Variants in RORA observed in about 807,000 individuals in gnomAD.
The protein encoded by RORA is nuclear receptor ROR-alpha.
A neutral mutation model predicts 69.5 loss-of-function variants in RORA; 7 were observed. The ratio of observed to expected loss-of-function variants is 0.10; its 90% CI spans 0.06 to 0.19. The LOEUF (loss-of-function observed/expected upper bound fraction) is 0.19, where lower values mean the gene tolerates loss of function less well. Ranked by LOEUF, RORA falls within the 10% of genes least tolerant of loss-of-function variation. The pLI, the probability that RORA is intolerant of heterozygous loss-of-function variation, is 1.00. For missense variants in RORA, 457 were observed against 663.0 expected, an observed-to-expected ratio of 0.69 and a Z score of 3.41; for synonymous variants, 261 against 240.8, an observed-to-expected ratio of 1.08 and a Z score of -0.78.
intron 1 of RORA, among the ~76,000 whole-genome samples, chr15:60,727,651 G>A (rs189427306): frequency 6.6e-6 from 1 of 152,044 alleles, no homozygotes; most frequent in African/African-American, 2.4e-5. Flanking sequence ...AAGGGAGAAG[G>A]TCCTGGAACA....
At chr15:60,817,207 C>T (rs1011251773) in intron 1 of RORA, among the ~76,000 whole-genome samples, 4 of 152,122 alleles carry the variant, frequency 2.6e-5, no homozygotes, top group African/African-American at 9.7e-5. Context: ...GGTCTCTAGA[C>T]CACGGCAATA....
At chr15:60,970,520 C>T (rs969652947) in intron 1 of RORA, among the ~76,000 whole-genome samples, 3 of 152,208 alleles carry the variant, frequency 2.0e-5, no homozygotes, top group Non-Finnish European at 2.9e-5. Flanking sequence ...AGATGCTCCC[C>T]ACTGCTGGCC....
At chr15:60,790,016 T>C (rs1249020393) in intron 1 of RORA, among the ~76,000 whole-genome samples, 1 of 152,218 alleles carries the variant, frequency 6.6e-6, no homozygotes, top group Non-Finnish European at 1.5e-5. Context: ...CCAGAATTGA[T>C]TTCCAAGACT....
chr15:60,893,747 T>C (rs79993842), intron 1 of RORA, among the ~76,000 whole-genome samples: 9,037 of 152,266 alleles, frequency 0.059, 614 homozygotes, highest in African/African-American at 0.16. Context: ...GAAAGGGCAG[T>C]GCAGGAAGTC....
At chr15:60,825,060 G>T (rs341380) in intron 1 of RORA, among the ~76,000 whole-genome samples, 39,577 of 152,134 alleles carry the variant, frequency 0.26, 5,572 homozygotes, top group Admixed American at 0.35. Flanking sequence ...GAGCATTGTT[G>T]GTAGGAGAAA....
At chr15:60,729,506 T>A (rs528001545) in intron 1 of RORA, among the ~76,000 whole-genome samples, 1 of 152,344 alleles carries the variant, frequency 6.6e-6, no homozygotes, top group South Asian at 2.1e-4. Flanking sequence ...ATTTTCTCCA[T>A]TGTTAGAATT....
chr15:60,878,170 C>CA (rs11362081), intron 1 of RORA, among the ~76,000 whole-genome samples: 8,180 of 69,510 alleles, frequency 0.12, 420 homozygotes, highest in Middle Eastern at 0.15. Flanking sequence ...ACTAAAAATA[C>CA]AAAAAAAAAA....
intron 6 of RORA, 96 bp from the exon 7 acceptor site, chr15:60,503,763 T>A (rs2065404706): frequency 6.8e-7 from 1 of 1,476,126 alleles, no homozygotes; most frequent in African/African-American, 1.4e-5. Flanking sequence ...GCCACTGCTT[T>A]AGCCCTGGGC....
chr15:60,865,181 A>G (rs2073474420), intron 1 of RORA, among the ~76,000 whole-genome samples: 1 of 152,228 alleles, frequency 6.6e-6, no homozygotes, highest in Non-Finnish European at 1.5e-5. Context: ...AACCCTGAAC[A>G]GGGCTCCCTG....
chr15:61,022,495 G>C (rs1172842548), intron 1 of RORA, among the ~76,000 whole-genome samples: 1 of 152,140 alleles, frequency 6.6e-6, no homozygotes, highest in Non-Finnish European at 1.5e-5. Context: ...TCAAAGTTCA[G>C]AGTGCCATCT....
intron 1 of RORA, among the ~76,000 whole-genome samples, chr15:60,923,865 CT>C (rs1396458232): frequency 6.6e-6 from 1 of 152,158 alleles, no homozygotes; most frequent in Non-Finnish European, 1.5e-5. Context: ...TGTGGTTCTG[CT>C]AAGTTGTGCT....
intron 1 of RORA, among the ~76,000 whole-genome samples, chr15:60,700,202 C>T (rs893899862): frequency 1.3e-5 from 2 of 152,090 alleles, no homozygotes; most frequent in Admixed American, 6.5e-5. Flanking sequence ...ATTTACCACT[C>T]TATTCAAAAG....
intron 1 of RORA, among the ~76,000 whole-genome samples, chr15:60,686,281 T>G (rs138508525): frequency 6.6e-6 from 1 of 152,328 alleles, no homozygotes; most frequent in East Asian, 1.9e-4. Flanking sequence ...AAAGAAATCT[T>G]CAGACAAAAC....
intron 1 of RORA, among the ~76,000 whole-genome samples, chr15:60,932,176 A>G (rs1258833632): frequency 6.6e-6 from 1 of 152,170 alleles, no homozygotes; most frequent in Non-Finnish European, 1.5e-5. Context: ...GAAATGTCCA[A>G]GATTACTAAT....
chr15:61,172,710 C>T (rs1476522106), intron 1 of RORA, among the ~76,000 whole-genome samples: 1 of 152,188 alleles, frequency 6.6e-6, no homozygotes, highest in Admixed American at 6.5e-5. Context: ...TACATACTCT[C>T]CTTTGATTCT....
chr15:60,840,565 T>C (rs2073182564), intron 1 of RORA, among the ~76,000 whole-genome samples: 1 of 152,116 alleles, frequency 6.6e-6, no homozygotes, highest in African/African-American at 2.4e-5. Context: ...ACCTCAGGAG[T>C]CCCATTTAGA....
chr15:60,514,083 G>C (rs921298542), intron 4 of RORA, among the ~76,000 whole-genome samples: 7 of 152,194 alleles, frequency 4.6e-5, no homozygotes, highest in African/African-American at 1.7e-4. Context: ...TTAATGAAAA[G>C]AACACTTGTC....
chr15:61,049,093 T>A (rs1042149455), intron 1 of RORA, among the ~76,000 whole-genome samples: 7 of 152,198 alleles, frequency 4.6e-5, no homozygotes, highest in African/African-American at 1.7e-4. Context: ...TGACTGGACC[T>A]GAAATGCTGG....
At chr15:60,569,992 A>T (rs761123740) in intron 2 of RORA, among the ~76,000 whole-genome samples, 4 of 152,246 alleles carry the variant, frequency 2.6e-5, no homozygotes, top group African/African-American at 4.8e-5. Flanking sequence ...ACTGACATTT[A>T]AAGATCAGAT....
Sources: gnomAD v4.1 joint callset for allele counts (sites outside exome capture counted in the v4.1 genomes callset) on GRCh38, gnomAD v4.1.1 for gene constraint, MANE v1.5 for transcripts, NCBI Gene and HGNC (gene_info 2026-07-23, HGNC 2026-07-21) for gene names.